The following WNT7B variants were observed in gnomAD, a reference collection of about 807,000 sequenced individuals.
WNT7B encodes protein Wnt-7b.
A neutral mutation model predicts 38.2 loss-of-function variants in WNT7B; 19 were observed. The ratio of observed to expected loss-of-function variants is 0.50; its 90% CI spans 0.35 to 0.73. The LOEUF (loss-of-function observed/expected upper bound fraction) is 0.73. Ranked by LOEUF, WNT7B falls within the 30% of genes least tolerant of loss-of-function variation. WNT7B has a pLI of 0.01. For synonymous variants in WNT7B, 243 were observed against 209.3 expected (o/e 1.16, Z -1.39); for missense variants, 423 against 507.9 (o/e 0.83, Z 1.61).
chr22:45,931,880 G>A (rs1348026730), intron 2 of WNT7B, among the ~76,000 whole-genome samples: 1 of 152,178 alleles, frequency 6.6e-6, no homozygotes, highest in Non-Finnish European at 1.5e-5. Context: ...GGGCCACGGG[G>A]AGCATGGGGG....
chr22:45,942,196 G>A (rs941763031), intron 2 of WNT7B, among the ~76,000 whole-genome samples: 2 of 152,172 alleles, frequency 1.3e-5, no homozygotes, highest in African/African-American at 4.8e-5. Context: ...GGTGTTACCC[G>A]GCCCAGCTGG....
At chr22:45,929,965 TATCC>T (rs1332717098) in intron 3 of WNT7B, among the ~76,000 whole-genome samples, 1 of 148,480 alleles carries the variant, frequency 6.7e-6, no homozygotes, top group Non-Finnish European at 1.5e-5. Flanking sequence ...CTCATACATC[TATCC>T]ATCCATCCAA....
At chr22:45,956,452 T>TG (rs1275947830) in intron 1 of WNT7B, among the ~76,000 whole-genome samples, 1 of 152,166 alleles carries the variant, frequency 6.6e-6, no homozygotes, top group Admixed American at 6.5e-5. Flanking sequence ...GCTTCATCTA[T>TG]GGGGCCCCAA....
Position 45,954,832 on chromosome 22 carries a change from T to G in WNT7B, c.72-4686A>C. The G allele has an allele frequency of 5.8e-6, 5 of 866,524 alleles. No individual in the cohort carries two copies. The South Asian group carries it at 2.7e-4, about 47-fold the overall frequency. 53.7% of individuals were successfully genotyped at this position (866,524 alleles called of 1,614,324 possible). On this transcript the variant is annotated intron_variant, in intron 1 of 3. Coordinates refer to ENST00000339464, the MANE Select transcript of WNT7B (RefSeq NM_058238.3). The stretch of plus-strand genomic sequence containing the variant: ...CTCTGGGCCGTTGGGACCTCAGACC[T>G]CACCTATGTATCATTTAATCCTCAC...
intron 1 of WNT7B, among the ~76,000 whole-genome samples, chr22:45,955,824 C>T (rs1000206807): frequency 1.3e-5 from 2 of 152,166 alleles, no homozygotes; most frequent in Non-Finnish European, 2.9e-5. Flanking sequence ...TCCTCATTCC[C>T]CAGGGACTGT....
At chr22:45,943,939 G>T (rs1931733157) in intron 2 of WNT7B, among the ~76,000 whole-genome samples, 1 of 152,194 alleles carries the variant, frequency 6.6e-6, no homozygotes, top group Non-Finnish European at 1.5e-5. Flanking sequence ...GTGGCCCAGG[G>T]CTCTGGAGCC....
rs1281433414 is a variant in WNT7B at position 45,929,726 on chromosome 22, A to AT, written c.570+1371_570+1372insA. ...TTTCCATCCACCCGTGAATCCACTC[A>AT]CCCATCCACCCACCGATCCATCCTT... On this transcript the variant is annotated intron_variant, in intron 3 of 3. Transcript: ENST00000339464. Among the ~76,000 whole-genome samples, 660 of 148,158 alleles carry AT rather than the reference A, an allele frequency of 4.5e-3. 4 individuals carry two copies. Among genetic ancestry groups the AT allele is most frequent in the African/African-American group, 0.016 (622 of 39,084 alleles).
In WNT7B at chr22:45,975,397, A is replaced by G. The variant is rs1236774072; in HGVS notation, c.71+1287T>C. ...AAACAAACACCCAGGGACACAGCCTACCCACAGACCTATGATAAACGGGGC... is the reference window on the plus strand; with the variant it reads ...AAACAAACACCCAGGGACACAGCCTGCCCACAGACCTATGATAAACGGGGC... On this transcript the variant is annotated intron_variant, in intron 1 of 3. Coordinates refer to ENST00000339464, the MANE Select transcript of WNT7B (RefSeq NM_058238.3). The surrounding 1 kb of genome is among the most constrained non-coding windows in gnomAD (Gnocchi z 6.6). 8.6e-6 allele frequency: 5 copies of G among 582,958 alleles called. No individual in the cohort carries two copies. Among genetic ancestry groups the G allele is most frequent in the African/African-American group, 1.9e-5 (1 of 53,582 alleles). The allele number at this position is 582,958 out of a possible 1,614,324, so 36.1% of individuals were successfully genotyped here.
chr22:45,927,418 C>T, intron 3 of WNT7B: 1 of 1,540,906 alleles, frequency 6.5e-7, no homozygotes, highest in Non-Finnish European at 8.8e-7. Context: ...GGGACACCAG[C>T]CTGGGCCACA....
At chr22:45,969,430 T>G (rs1476875173) in intron 1 of WNT7B, among the ~76,000 whole-genome samples, 8 of 152,176 alleles carry the variant, frequency 5.3e-5, no homozygotes, top group African/African-American at 1.9e-4. Context: ...CAGGCCCCCA[T>G]TGCAGCTGAC....
chr22:45,926,700 A>G, intron 3 of WNT7B: 1 of 703,760 alleles, frequency 1.4e-6, no homozygotes, highest in South Asian at 6.5e-5. Flanking sequence ...CCCTGCCCCT[A>G]AGTAAGTGTG....
Position 45,968,843 on chromosome 22 carries a change from G to A in WNT7B, c.71+7841C>T, listed in dbSNP as rs140925050. ...CTACACTTTCAAGTGCCAACTACAC[G>A]TGGCCTGATCTGAGCCTTGGGAGAG... On this transcript the variant is annotated intron_variant, in intron 1 of 3. Coordinates refer to ENST00000339464, the MANE Select transcript of WNT7B (RefSeq NM_058238.3). 5.3e-3 allele frequency among the ~76,000 whole-genome samples: 801 copies of A among 152,250 alleles called. 9 individuals carry two copies. The highest frequency in any genetic ancestry group is 7.7e-3 in the Non-Finnish European group (522 of 68,008).
intron 1 of WNT7B, among the ~76,000 whole-genome samples, chr22:45,967,056 G>T (rs1054301634): frequency 1.3e-5 from 2 of 152,228 alleles, no homozygotes; most frequent in African/African-American, 4.8e-5. Context: ...TGGGGGAGGG[G>T]CCCCAGGCAG....
At chr22:45,939,046 C>A (rs561022437) in intron 2 of WNT7B, among the ~76,000 whole-genome samples, 3 of 152,260 alleles carry the variant, frequency 2.0e-5, no homozygotes, top group East Asian at 3.9e-4. Context: ...CAAATCCAAC[C>A]CACAGTGAGA....
At chr22:45,942,920 A>G (rs978533694) in intron 2 of WNT7B, among the ~76,000 whole-genome samples, 2 of 146,284 alleles carry the variant, frequency 1.4e-5, no homozygotes, top group African/African-American at 5.1e-5. Context: ...TGCAGTGTGC[A>G]CGTGTGTGCA....
intron 2 of WNT7B, among the ~76,000 whole-genome samples, chr22:45,939,755 G>A (rs1269617693): frequency 2.0e-5 from 3 of 152,280 alleles, no homozygotes; most frequent in African/African-American, 7.2e-5. Flanking sequence ...GGGCCCAGGA[G>A]GTCAAGGTTG....
At chr22:45,949,105 A>G (rs1367953877) in intron 2 of WNT7B, among the ~76,000 whole-genome samples, 2 of 152,068 alleles carry the variant, frequency 1.3e-5, no homozygotes, top group Admixed American at 6.5e-5. Context: ...TGCTGGGATT[A>G]CAGGCATGAG....
At chr22:45,931,743 T>G (rs554158518) in intron 2 of WNT7B, among the ~76,000 whole-genome samples, 1 of 152,146 alleles carries the variant, frequency 6.6e-6, no homozygotes, top group Non-Finnish European at 1.5e-5. Context: ...GGTGGGGACC[T>G]GTGGAGGGGG....
chr22:45,924,534 G>A (rs1461172883), intron 3 of WNT7B, among the ~76,000 whole-genome samples: 5 of 152,232 alleles, frequency 3.3e-5, no homozygotes, highest in Admixed American at 1.3e-4. Flanking sequence ...ATTGATGGAT[G>A]AGTCGGAGCT....
Sources: allele counts gnomAD v4.1 joint callset (sites outside exome capture counted in the v4.1 genomes callset), GRCh38; gene constraint gnomAD v4.1.1; non-coding constraint Gnocchi (gnomAD v3.1); transcripts MANE v1.5; gene names NCBI Gene and HGNC (gene_info 2026-07-23, HGNC 2026-07-21).